The following STK3 variants were observed in gnomAD, a reference collection of about 807,000 sequenced individuals.
The protein encoded by STK3 is serine/threonine kinase 3, also known as serine/threonine-protein kinase 3.
In STK3, 41 loss-of-function variants were observed where a neutral mutation model predicts 58.0. The ratio of observed to expected loss-of-function variants is 0.71; its 90% CI spans 0.55 to 0.92. The LOEUF (loss-of-function observed/expected upper bound fraction) is 0.92, where lower values mean the gene tolerates loss of function less well. Ranked by LOEUF, STK3 falls within the 40% of genes least tolerant of loss-of-function variation. STK3 has a pLI of 0.00. For missense variants in STK3, 479 were observed against 602.7 expected, an observed-to-expected ratio of 0.79 and a Z score of 2.15; for synonymous variants, 170 against 191.0, an observed-to-expected ratio of 0.89 and a Z score of 0.91.
chr8:98,353,302 C>T, the STK3 span, among the ~76,000 whole-genome samples: 1 of 151,884 alleles, frequency 6.6e-6, no homozygotes, highest in Non-Finnish European at 1.5e-5. Context: ...AAGGAGACCT[C>T]CATCTCTACA....
chr8:98,599,680 T>C (rs1437885033), intron 6 of STK3, among the ~76,000 whole-genome samples: 1 of 152,096 alleles, frequency 6.6e-6, no homozygotes, highest in African/African-American at 2.4e-5. Context: ...AATATAAAAA[T>C]GTGAATCTAG....
At chr8:98,352,103 C>T in the STK3 span, among the ~76,000 whole-genome samples, 27 of 144,282 alleles carry the variant, frequency 1.9e-4, no homozygotes, top group Admixed American at 1.9e-3. Flanking sequence ...CGCCACTGCA[C>T]TCCAGCCTGG....
At chr8:98,783,200 A>C (rs1343417298) in intron 1 of STK3, among the ~76,000 whole-genome samples, 1 of 152,190 alleles carries the variant, frequency 6.6e-6, no homozygotes, top group Non-Finnish European at 1.5e-5. Context: ...CAAATAACAC[A>C]AAAATGTTTG....
At chr8:98,564,008 G>GA (rs1219041079) in intron 8 of STK3, among the ~76,000 whole-genome samples, 1 of 152,102 alleles carries the variant, frequency 6.6e-6, no homozygotes, top group Non-Finnish European at 1.5e-5. Flanking sequence ...TGAAAAGAAA[G>GA]AAAGAATAAT....
chr8:98,436,633 T>C (rs1281402047), intron 2 of STK3: 1 of 152,262 alleles, frequency 6.6e-6, no homozygotes, highest in Non-Finnish European at 1.5e-5. Context: ...CCAAAGGGCA[T>C]TGCGCACAGT....
At chr8:98,751,459 C>A (rs907025427) in intron 3 of STK3, among the ~76,000 whole-genome samples, 1 of 152,110 alleles carries the variant, frequency 6.6e-6, no homozygotes, top group Non-Finnish European at 1.5e-5. Context: ...TATATACCAA[C>A]AACAGTCAAG....
In STK3 at chr8:98,526,879, T is replaced by A. The variant is rs773542636; in HGVS notation, c.1180A>T (p.Met394Leu). Residue 394 changes from methionine (M) to leucine (L), a missense_variant, in exon 10 of 11, where the codon ATG (methionine) becomes TTG (leucine). This residue lies in a region of STK3 where 309 missense variants were observed against 355.7 expected (regional missense o/e 0.87). Transcript: ENST00000419617. ...AAGTCTTGCTTATCAAAGTAGTCCA[T>A]GAAAGATGGTCTTTGTACTTGTGGT... ...TSPQVQRPSF[M>L]DYFDKQDFKN... The A allele has an allele frequency of 3.8e-6, 6 of 1,594,850 alleles. No individual in the cohort carries two copies. The African/African-American group carries it at 8.0e-5, about 21-fold the overall frequency.
chr8:98,855,528 C>T (rs1429866134), intron 3 of STK3, among the ~76,000 whole-genome samples: 1 of 152,028 alleles, frequency 6.6e-6, no homozygotes, highest in East Asian at 1.9e-4. Context: ...TGGTTAGTGA[C>T]ATAATAGAAG....
chr8:98,597,854 G>C (rs1815964784), intron 6 of STK3: 1 of 983,324 alleles, frequency 1.0e-6, no homozygotes, highest in African/African-American at 1.8e-5. Context: ...GAAACGAATA[G>C]CAAACAACTG....
At chr8:98,412,941 A>G (rs1818072236) in intron 3 of STK3, 1 of 269,942 alleles carries the variant, frequency 3.7e-6, no homozygotes, top group South Asian at 4.0e-5. Context: ...CACTTTCACC[A>G]TCAGGCACTG....
upstream of STK3, among the ~76,000 whole-genome samples, chr8:98,830,457 G>A (rs1835484531): frequency 6.6e-6 from 1 of 152,060 alleles, no homozygotes. Context: ...ACTCAATAAA[G>A]GAATTGTTTT....
At chr8:98,525,835 G>C (rs1028593626) in intron 10 of STK3, among the ~76,000 whole-genome samples, 2 of 151,792 alleles carry the variant, frequency 1.3e-5, no homozygotes. Flanking sequence ...AGCATTTAGA[G>C]TCATGTTGTC....
At chr8:98,690,987 T>C (rs928890714) in intron 6 of STK3, among the ~76,000 whole-genome samples, 10 of 152,124 alleles carry the variant, frequency 6.6e-5, no homozygotes, top group African/African-American at 2.4e-4. Context: ...ATGTTCTTAC[T>C]TATAAGTGGG....
intron 6 of STK3, among the ~76,000 whole-genome samples, chr8:98,702,120 A>G (rs1473586093): frequency 6.6e-6 from 1 of 152,174 alleles, no homozygotes; most frequent in African/African-American, 2.4e-5. Context: ...AAAAAGTTGT[A>G]TGGAAACTAA....
intron 3 of STK3, among the ~76,000 whole-genome samples, chr8:98,423,521 T>C (rs1818195437): frequency 6.6e-6 from 1 of 152,196 alleles, no homozygotes; most frequent in Admixed American, 6.5e-5. Flanking sequence ...CTCAGTGCAA[T>C]GGGAAGTCCC....
intron 3 of STK3, among the ~76,000 whole-genome samples, chr8:98,755,831 T>A (rs776798754): frequency 7.9e-5 from 12 of 152,160 alleles, no homozygotes; most frequent in Admixed American, 2.0e-4. Flanking sequence ...TCAGTAGCTC[T>A]CTTCTCCTAT....
chr8:98,910,000 C>A (rs1376146750), intron 1 of STK3, among the ~76,000 whole-genome samples: 1 of 152,128 alleles, frequency 6.6e-6, no homozygotes, highest in African/African-American at 2.4e-5. Context: ...ACATCCTCAC[C>A]AATATTCATG....
Position 98,428,271 on chromosome 8 carries a change from G to A in STK3, n.483+5856C>T, listed in dbSNP as rs1398583859. Reference sequence around the variant, plus strand: ...GCTTCACGTCATGGCTGAGCTATGTGTCTTCTCCTTCAGCCAGGAGATCGA... The same window carrying A: ...GCTTCACGTCATGGCTGAGCTATGTATCTTCTCCTTCAGCCAGGAGATCGA... On this transcript the variant is annotated intron_variant and non_coding_transcript_variant, in intron 3 of 3. Transcript: ENST00000517832. The surrounding 1 kb of genome is among the most constrained non-coding windows in gnomAD (Gnocchi z 6.7). 1 of 1,613,982 alleles carries A rather than the reference G, an allele frequency of 6.2e-7. No homozygotes were observed. Among genetic ancestry groups the A allele is most frequent in the African/African-American group, 1.3e-5 (1 of 74,922 alleles).
intron 8 of STK3, among the ~76,000 whole-genome samples, chr8:98,565,432 C>G (rs1231307357): frequency 6.6e-6 from 1 of 152,084 alleles, no homozygotes; most frequent in Non-Finnish European, 1.5e-5. Flanking sequence ...TGATTAATGT[C>G]TACAATTTTT....
Sources: gnomAD v4.1 joint callset for allele counts (sites outside exome capture counted in the v4.1 genomes callset) on GRCh38, gnomAD v4.1.1 for gene constraint, gnomAD v4.1.1 regional missense constraint, Gnocchi (gnomAD v3.1) non-coding constraint, MANE v1.5 for transcripts, NCBI Gene and HGNC (gene_info 2026-07-23, HGNC 2026-07-21) for gene names.